SLIT2: variants seen among roughly 807,000 people sequenced by gnomAD.
SLIT2 encodes the protein slit homolog 2 protein.
Under a neutral mutation model 185.7 loss-of-function variants are expected in SLIT2, and 41 were observed. That is an observed-to-expected ratio of 0.22 (90% CI 0.17 to 0.29). SLIT2 has a LOEUF of 0.29. Ranked by LOEUF, SLIT2 falls within the 10% of genes least tolerant of loss-of-function variation. SLIT2 has a pLI of 1.00. For missense variants in SLIT2, 1,571 were observed against 1,909.0 expected, an observed-to-expected ratio of 0.82 and a Z score of 3.30; for synonymous variants, 693 against 680.2, an observed-to-expected ratio of 1.02 and a Z score of -0.29.
At chr4:20,420,794 G>T (rs1218883985) in intron 4 of SLIT2, among the ~76,000 whole-genome samples, 2 of 152,020 alleles carry the variant, frequency 1.3e-5, no homozygotes, top group Non-Finnish European at 2.9e-5. Flanking sequence ...GAGGTAATGG[G>T]CCAGGGGCTC....
At chr4:20,478,634 C>T (rs1263618133) in intron 5 of SLIT2, among the ~76,000 whole-genome samples, 2 of 152,134 alleles carry the variant, frequency 1.3e-5, no homozygotes, top group African/African-American at 2.4e-5. Flanking sequence ...AAACATACAG[C>T]TCACCCTTTT....
chr4:20,411,355 G>C (rs1333574358), intron 4 of SLIT2, among the ~76,000 whole-genome samples: 1 of 152,116 alleles, frequency 6.6e-6, no homozygotes, highest in Non-Finnish European at 1.5e-5. Flanking sequence ...TCATAAGAGA[G>C]GTCCACTTAT....
chr4:20,364,272 C>T lies in SLIT2; in HGVS notation c.395+95391C>T, dbSNP rs567390778. On this transcript the variant is annotated intron_variant, in intron 4 of 36. Transcript: ENST00000504154. ...CAGCTTTCTGCATCCTTTCTGCCTG[C>T]ACATATGAAAGGGTAAGCATTAATT... 2.3e-4 allele frequency: 230 copies of T among 985,106 alleles called. 1 individual carries two copies. The South Asian group carries it at 3.4e-3, about 15-fold the overall frequency. The allele number at this position is 985,106 out of a possible 1,614,324, so 61.0% of individuals were successfully genotyped here.
At chr4:20,477,498 C>T (rs996613403) in intron 5 of SLIT2, among the ~76,000 whole-genome samples, 3 of 152,064 alleles carry the variant, frequency 2.0e-5, no homozygotes, top group African/African-American at 4.8e-5. Flanking sequence ...CACGCCTAGC[C>T]GAGGTCATGA....
chr4:20,486,311 T>C (rs750404355), intron 7 of SLIT2, 40 bp downstream of exon 7: 3 of 1,148,362 alleles, frequency 2.6e-6, no homozygotes, highest in Non-Finnish European at 4.0e-6. Flanking sequence ...TATTAATCAA[T>C]TAAAGCTTCC....
intron 26 of SLIT2, among the ~76,000 whole-genome samples, chr4:20,563,972 T>A (rs906614984): frequency 2.2e-4 from 33 of 151,990 alleles, no homozygotes; most frequent in Admixed American, 4.6e-4. Context: ...TCAGATCCTA[T>A]GCCCAAGATT....
intron 4 of SLIT2, among the ~76,000 whole-genome samples, chr4:20,283,421 T>A (rs951555237): frequency 6.6e-6 from 1 of 152,146 alleles, no homozygotes; most frequent in African/African-American, 2.4e-5. Flanking sequence ...AAAACTAATT[T>A]GTTCAGTATT....
chr4:20,506,690 A>G (rs1452855161), intron 9 of SLIT2, among the ~76,000 whole-genome samples: 4 of 151,998 alleles, frequency 2.6e-5, no homozygotes, highest in African/African-American at 9.7e-5. Flanking sequence ...CCTTTATTCT[A>G]AAGACCCAAA....
At position 20,620,188 on chromosome 4, in the gene SLIT2, C is replaced by A; in HGVS notation, c.*1179C>A. The A allele has an allele frequency of 3.3e-6, 1 of 301,876 alleles. No individual in the cohort carries two copies. The highest frequency in any genetic ancestry group is 2.2e-5 in the African/African-American group (1 of 45,354). The allele number at this position is 301,876 out of a possible 1,614,324, so 18.7% of individuals were successfully genotyped here. ...TCAACACTAGAAAGTAGACCTTTTG[C>A]AAATTAATATGTCCTTGACCTTTTT... is the stretch of plus-strand genomic sequence containing the variant. On this transcript the variant is annotated 3_prime_UTR_variant, in exon 37 of 37. Transcript: ENST00000504154.
intron 4 of SLIT2, among the ~76,000 whole-genome samples, chr4:20,409,681 C>G (rs1727051286): frequency 6.6e-6 from 1 of 152,186 alleles, no homozygotes; most frequent in African/African-American, 2.4e-5. Context: ...AATTTACATT[C>G]CCATCAACAA....
intron 3 of SLIT2, among the ~76,000 whole-genome samples, chr4:20,259,552 C>T (rs1712218207): frequency 6.6e-6 from 1 of 151,676 alleles, no homozygotes; most frequent in African/African-American, 2.4e-5. Flanking sequence ...TAGAACTAAA[C>T]AAACTTTCTC....
rs181907592 is a variant in SLIT2 at position 20,296,132 on chromosome 4, C to T, written c.395+27251C>T. Among the ~76,000 whole-genome samples the T allele has an allele frequency of 4.9e-3, 745 of 152,280 alleles. 14 individuals are homozygous for T. Among genetic ancestry groups the T allele is most frequent in the Non-Finnish European group, 3.3e-3 (225 of 68,018 alleles). The stretch of plus-strand genomic sequence containing the variant: ...CAAATTAATTTCTCCTTTTGTTATG[C>T]TTATGAGAATAAACTGATTAAACAG... On this transcript the variant is annotated intron_variant, in intron 4 of 36. Coordinates refer to ENST00000504154, the MANE Select transcript of SLIT2 (RefSeq NM_004787.4).
chr4:20,385,185 G>A (rs908434580), intron 4 of SLIT2, among the ~76,000 whole-genome samples: 3 of 152,124 alleles, frequency 2.0e-5, no homozygotes, highest in African/African-American at 7.2e-5. Flanking sequence ...GGGGCCAACA[G>A]TCCTCTCTGG....
At chr4:20,445,389 C>T (rs1711648476) in intron 4 of SLIT2, among the ~76,000 whole-genome samples, 1 of 151,994 alleles carries the variant, frequency 6.6e-6, no homozygotes. Flanking sequence ...ATGAATTTTC[C>T]ACAAATACAA....
intron 4 of SLIT2, among the ~76,000 whole-genome samples, chr4:20,456,978 C>T (rs1713145095): frequency 2.6e-5 from 4 of 152,168 alleles, no homozygotes; most frequent in South Asian, 4.2e-4. Context: ...TCTACCCTAT[C>T]TTAGGGAACC....
At chr4:20,464,551 G>T (rs529628200) in intron 4 of SLIT2, among the ~76,000 whole-genome samples, 21 of 152,192 alleles carry the variant, frequency 1.4e-4, no homozygotes, top group Non-Finnish European at 2.8e-4. Flanking sequence ...GACTCATTTT[G>T]CTCATTCCAC....
At chr4:20,472,292 A>ATATCTATATATATC (rs1560452881) in intron 5 of SLIT2, among the ~76,000 whole-genome samples, 5 of 31,120 alleles carry the variant, frequency 1.6e-4, no homozygotes, top group African/African-American at 1.2e-3. Flanking sequence ...ATATAGATAT[A>ATATCTATATATATC]TAGATATATA....
chr4:20,291,084 G>T (rs565309993), intron 4 of SLIT2, among the ~76,000 whole-genome samples: 1 of 151,970 alleles, frequency 6.6e-6, no homozygotes, highest in African/African-American at 2.4e-5. Context: ...GAACTTAAAA[G>T]TAGAGACTGA....
chr4:20,531,193 A>G (rs1250762240), intron 16 of SLIT2, among the ~76,000 whole-genome samples: 3 of 152,198 alleles, frequency 2.0e-5, no homozygotes, highest in African/African-American at 7.2e-5. Context: ...TAGCAGCATT[A>G]TTTATAGCCA....
Sources: allele counts gnomAD v4.1 joint callset (sites outside exome capture counted in the v4.1 genomes callset), GRCh38; gene constraint gnomAD v4.1.1; transcripts MANE v1.5; gene names NCBI Gene and HGNC (gene_info 2026-07-23, HGNC 2026-07-21).